The following HLCS variants were observed in gnomAD, a reference collection of about 807,000 sequenced individuals.
HLCS encodes biotin--protein ligase.
In HLCS, 53 loss-of-function variants were observed where a neutral mutation model predicts 75.0. The observed-to-expected ratio is 0.71, with a 90% CI of 0.57 to 0.89. The LOEUF (loss-of-function observed/expected upper bound fraction) is 0.89, where lower values mean the gene tolerates loss of function less well. HLCS is among the 40% of genes least tolerant of loss of function. The probability of loss-of-function intolerance (pLI) is 0.00; values close to 1 mark genes in which losing one functional copy is unlikely to be tolerated. For synonymous variants in HLCS, 431 were observed against 428.6 expected (o/e 1.01, Z -0.07); for missense variants, 966 against 1,074.0 (o/e 0.90, Z 1.41).
At chr21:36,797,097 C>T (rs2061049313) in intron 6 of HLCS, among the ~76,000 whole-genome samples, 1 of 152,082 alleles carries the variant, frequency 6.6e-6, no homozygotes, top group Admixed American at 6.5e-5. Flanking sequence ...AAACTCCTGA[C>T]CTCAAGTGAT....
At chr21:36,963,846 G>A (rs1357910466) in intron 1 of HLCS, among the ~76,000 whole-genome samples, 1 of 152,202 alleles carries the variant, frequency 6.6e-6, no homozygotes, top group East Asian at 1.9e-4. Context: ...ACTGTCTTTG[G>A]TTAAACTTAT....
chr21:36,905,844 G>C (rs139519360), intron 5 of HLCS, among the ~76,000 whole-genome samples: 2,097 of 152,170 alleles, frequency 0.014, 50 homozygotes, highest in African/African-American at 0.047. Context: ...TTGAGGTCAG[G>C]AGTTCAAGAC....
intron 5 of HLCS, among the ~76,000 whole-genome samples, chr21:36,929,394 G>A (rs1282110676): frequency 3.3e-5 from 5 of 152,206 alleles, no homozygotes; most frequent in African/African-American, 9.7e-5. Context: ...CTCCAAGTGA[G>A]CCCATCACAC....
At chr21:36,763,786 A>T (rs2089936839) in intron 8 of HLCS, among the ~76,000 whole-genome samples, 1 of 152,170 alleles carries the variant, frequency 6.6e-6, no homozygotes, top group African/African-American at 2.4e-5. Flanking sequence ...CCAAGTAGGG[A>T]AGAAAATGCT....
At chr21:36,878,675 T>A (rs2064081121) in intron 6 of HLCS, among the ~76,000 whole-genome samples, 1 of 152,160 alleles carries the variant, frequency 6.6e-6, no homozygotes, top group South Asian at 2.1e-4. Flanking sequence ...CCGTTATAGC[T>A]TTACCACTCA....
chr21:36,787,961 G>A (rs561565815), intron 6 of HLCS, among the ~76,000 whole-genome samples: 35 of 152,266 alleles, frequency 2.3e-4, no homozygotes, highest in African/African-American at 8.2e-4. Flanking sequence ...CTGCAGCTTG[G>A]TTCTTATTTC....
chr21:36,979,394 C>T (rs922998521), intron 1 of HLCS, among the ~76,000 whole-genome samples: 1 of 152,078 alleles, frequency 6.6e-6, no homozygotes, highest in African/African-American at 2.4e-5. Context: ...GGGGGCATTA[C>T]CTTCATCCGT....
intron 6 of HLCS, among the ~76,000 whole-genome samples, chr21:36,833,593 T>TAATATATATATATATA (rs68117417): frequency 7.1e-6 from 1 of 140,008 alleles, no homozygotes; most frequent in African/African-American, 2.7e-5. Context: ...TAAAAAAAAA[T>TAATATATATATATATA]TATATATATA....
intron 8 of HLCS, among the ~76,000 whole-genome samples, chr21:36,764,429 TGCAGTG>T (rs931458487): frequency 4.6e-5 from 7 of 150,576 alleles, no homozygotes; most frequent in African/African-American, 1.5e-4. Flanking sequence ...CATGACCAGG[TGCAGTG>T]GCTCATGCCT....
intron 6 of HLCS, among the ~76,000 whole-genome samples, chr21:36,875,505 T>C (rs575308036): frequency 6.6e-6 from 1 of 152,128 alleles, no homozygotes; most frequent in Admixed American, 6.5e-5. Context: ...CTACCCACCA[T>C]GGGTCTCCTC....
intron 6 of HLCS, among the ~76,000 whole-genome samples, chr21:36,854,393 G>T (rs1319464979): frequency 6.6e-6 from 1 of 152,138 alleles, no homozygotes; most frequent in Non-Finnish European, 1.5e-5. Flanking sequence ...GGGGAAGGAC[G>T]CTTAGAGTGA....
chr21:36,906,511 G>A (rs2065462147), intron 5 of HLCS, among the ~76,000 whole-genome samples: 4 of 152,098 alleles, frequency 2.6e-5, no homozygotes, highest in African/African-American at 7.2e-5. Flanking sequence ...CAGTCTAAGC[G>A]ACAGAGCGAG....
chr21:36,771,133 T>C (rs2060192854), intron 6 of HLCS, among the ~76,000 whole-genome samples: 2 of 152,044 alleles, frequency 1.3e-5, no homozygotes, highest in Non-Finnish European at 2.9e-5. Flanking sequence ...GGCAGGAGAA[T>C]GGCGTGAACC....
intron 6 of HLCS, among the ~76,000 whole-genome samples, chr21:36,789,679 C>T (rs1281113688): frequency 1.3e-5 from 2 of 152,230 alleles, no homozygotes. Context: ...AAGATTTCAT[C>T]ACACATACTA....
At chr21:36,756,253 A>G (rs942327563) in intron 10 of HLCS, among the ~76,000 whole-genome samples, 3 of 151,748 alleles carry the variant, frequency 2.0e-5, no homozygotes, top group Non-Finnish European at 4.4e-5. Flanking sequence ...CCTGGCTAAC[A>G]CGGTGAAACC....
chr21:36,916,241 G>A (rs956963510), intron 5 of HLCS, among the ~76,000 whole-genome samples: 1 of 152,128 alleles, frequency 6.6e-6, no homozygotes, highest in African/African-American at 2.4e-5. Flanking sequence ...CCCGTGACAT[G>A]ATCATCAGTG....
chr21:36,858,976 C>A (rs2063294665), intron 6 of HLCS, among the ~76,000 whole-genome samples: 3 of 152,184 alleles, frequency 2.0e-5, no homozygotes, highest in Admixed American at 2.0e-4. Flanking sequence ...ACAGGCTACA[C>A]CTCTTCTGAG....
chr21:36,820,655 G>A (rs2061810507), intron 6 of HLCS, among the ~76,000 whole-genome samples: 1 of 152,260 alleles, frequency 6.6e-6, no homozygotes, highest in Non-Finnish European at 1.5e-5. Context: ...GGCGCTGAGG[G>A]CAGTTTGGCA....
At chr21:36,801,254 C>G (rs1197260844) in intron 6 of HLCS, among the ~76,000 whole-genome samples, 2 of 152,176 alleles carry the variant, frequency 1.3e-5, no homozygotes, top group Non-Finnish European at 2.9e-5. Flanking sequence ...AATAGAGACG[C>G]AAGTAACTTT....
Sources: gnomAD v4.1 joint callset for allele counts (sites outside exome capture counted in the v4.1 genomes callset) on GRCh38, gnomAD v4.1.1 for gene constraint, MANE v1.5 for transcripts, NCBI Gene and HGNC (gene_info 2026-07-23, HGNC 2026-07-21) for gene names.